Variants in IQCE observed in about 807,000 individuals in gnomAD.
IQCE encodes the protein IQ motif containing E, also known as IQ domain-containing protein E.
In IQCE, 115 loss-of-function variants were observed where a neutral mutation model predicts 96.0. The ratio of observed to expected loss-of-function variants is 1.20; its 90% CI spans 1.03 to 1.40. The LOEUF (loss-of-function observed/expected upper bound fraction) is 1.40, where lower values mean the gene tolerates loss of function less well. Among genes scored for constraint, IQCE ranks in the 40% most tolerant of loss-of-function variants. The pLI is 0.00. For synonymous variants in IQCE, 412 were observed against 371.2 expected (o/e 1.11, Z -1.26); for missense variants, 1,041 against 909.1 (o/e 1.15, Z -1.87).
Position 2,578,984 on chromosome 7 carries a change from G to A in IQCE, c.630+458G>A, listed in dbSNP as rs576610354. On this transcript the variant is annotated intron_variant, in intron 8 of 21. Coordinates refer to ENST00000402050, the MANE Select transcript of IQCE (RefSeq NM_152558.5). ...TGAGGCACAAGAATTGCTTGAACCT[G>A]TATGGCAGAGGTTGCGGTGAGTTGA... 4.6e-5 allele frequency among the ~76,000 whole-genome samples: 7 copies of A among 151,222 alleles called. No individual in the cohort carries two copies. In the South Asian group the frequency reaches 1.3e-3, roughly 27 times the overall value.
At chr7:2,602,366 G>A (rs1583506811) in intron 18 of IQCE, among the ~76,000 whole-genome samples, 1 of 152,228 alleles carries the variant, frequency 6.6e-6, no homozygotes, top group South Asian at 2.1e-4. Context: ...GAGCTAGAAA[G>A]TGAGATCTTT....
rs1179970761 is a variant in IQCE, at chr7:2,590,002, A to C, written c.1140A>C (p.Arg380Ser). The change falls in exon 14 of 22, where the codon AGA becomes AGC. Residue 380 changes from arginine (R) to serine (S), a missense_variant. Transcript: ENST00000402050. ...ACLASSSALHRQPRGDRNKDH... is the reference protein window; with the variant it reads ...ACLASSSALHSQPRGDRNKDH... ...TTGCATCCAGCTCTGCGCTGCACAG[A>C]CAGCCACGAGGGGACCGCAACAAGG... 2.5e-6 allele frequency: 4 copies of C among 1,613,940 alleles called. No homozygotes were observed. The highest frequency in any genetic ancestry group is 3.3e-5 in the Admixed American group (2 of 60,030).
At position 2,586,112 on chromosome 7, in the gene IQCE, C is replaced by G. The variant is rs1026905374; in HGVS notation, c.825-96C>G. ...GCAAAAACCACTCTGAGCTCACAAC[C>G]AACAGAGCAAGCTGTGATTCACCTG... On this transcript the variant is annotated intron_variant, in intron 11 of 21. Transcript: ENST00000402050. 4 of 1,196,098 alleles carry G rather than the reference C, an allele frequency of 3.3e-6. No homozygotes were observed. The African/African-American group carries it at 6.1e-5, about 18-fold the overall frequency. 74.1% of individuals were successfully genotyped at this position (1,196,098 alleles called of 1,614,324 possible).
chr7:2,592,142 C>T (rs542437340), intron 14 of IQCE, among the ~76,000 whole-genome samples: 36 of 152,310 alleles, frequency 2.4e-4, no homozygotes, highest in Admixed American at 1.6e-3. Flanking sequence ...CGGTGCCTCC[C>T]GGCCAGCTAC....
intron 8 of IQCE, 121 bp from the exon 9 acceptor site, chr7:2,582,459 G>T: frequency 1.2e-6 from 1 of 806,842 alleles, no homozygotes; most frequent in South Asian, 1.5e-5. Context: ...GTCTAGAAGA[G>T]AGCACAGCGC....
At position 2,564,523 on chromosome 7, in the gene IQCE, G is replaced by A. The variant is rs188664867; in HGVS notation, c.37-2593G>A. 4.6e-3 allele frequency among the ~76,000 whole-genome samples: 697 copies of A among 152,112 alleles called. 8 individuals carry two copies. The highest frequency in any genetic ancestry group is 0.016 in the African/African-American group (663 of 41,474). ...TGAGGCAGGAGAATCGCTTGTACCCGGGAGGTGGAGGTGGCAGTGAGCCGA... is the reference window on the plus strand; with the variant it reads ...TGAGGCAGGAGAATCGCTTGTACCCAGGAGGTGGAGGTGGCAGTGAGCCGA... On this transcript the variant is annotated intron_variant, in intron 1 of 21. Transcript: ENST00000402050.
At chr7:2,578,918 G>A (rs1235077466) in intron 8 of IQCE, among the ~76,000 whole-genome samples, 2 of 152,064 alleles carry the variant, frequency 1.3e-5, no homozygotes, top group Non-Finnish European at 2.9e-5. Flanking sequence ...AAAAAGCCGG[G>A]TATGGCAGCA....
At position 2,559,090 on chromosome 7, in the gene IQCE, C is replaced by G. The variant is rs368675619; in HGVS notation, c.-92C>G. 1.4e-3 allele frequency: 1,034 copies of G among 765,570 alleles called. 30 individuals are homozygous for G. In the Admixed American group the frequency reaches 0.039, roughly 29 times the overall value. The allele number at this position is 765,570 out of a possible 1,614,324, so 47.4% of individuals were successfully genotyped here. On this transcript the variant is annotated 5_prime_UTR_variant, in exon 1 of 22. Transcript: ENST00000402050. Reference sequence around the variant, plus strand: ...CGCGGGCCGGCGCCAGGGAAGGCCCCGAGGCTGCGGGCGGCCAGGGCTGCC... The same window carrying G: ...CGCGGGCCGGCGCCAGGGAAGGCCCGGAGGCTGCGGGCGGCCAGGGCTGCC...
intron 12 of IQCE, 129 bp from the exon 13 acceptor site, chr7:2,587,693 C>A: frequency 1.2e-6 from 1 of 865,716 alleles, no homozygotes; most frequent in Non-Finnish European, 1.9e-6. Flanking sequence ...CAGGACCTGT[C>A]GGTGTGGCTC....
At chr7:2,583,813 C>T (rs1426463839) in intron 10 of IQCE, 104 bp downstream of exon 10, 2 of 83,866 alleles carry the variant, frequency 2.4e-5, no homozygotes, top group Non-Finnish European at 4.6e-5. Flanking sequence ...GGGCACCGTG[C>T]TGGGCGGCGG....
At chr7:2,567,256 C>T (rs1781449150) in intron 2 of IQCE, 93 bp downstream of exon 2, 1 of 969,970 alleles carries the variant, frequency 1.0e-6, no homozygotes, top group Non-Finnish European at 1.6e-6. Context: ...CCGTTCTCCA[C>T]AATACTGTGT....
chr7:2,600,111 A>G (rs1235488388), intron 17 of IQCE, among the ~76,000 whole-genome samples: 4 of 151,324 alleles, frequency 2.6e-5, no homozygotes, highest in Admixed American at 6.6e-5. Context: ...TTTTCTTTTC[A>G]AAGACATTTT....
intron 1 of IQCE, among the ~76,000 whole-genome samples, chr7:2,566,236 A>G (rs1781361488): frequency 6.6e-6 from 1 of 150,710 alleles, no homozygotes; most frequent in African/African-American, 2.4e-5. Context: ...CTCTTTTTGG[A>G]TTTCAATTTG....
At chr7:2,570,228 G>A (rs1038523224) in intron 3 of IQCE, among the ~76,000 whole-genome samples, 1 of 151,986 alleles carries the variant, frequency 6.6e-6, no homozygotes, top group African/African-American at 2.4e-5. Flanking sequence ...GTCGTTTTCC[G>A]GGCAGTATCA....
At chr7:2,589,877 G>T in intron 13 of IQCE, 30 bp from the exon 14 acceptor site, 2 of 1,599,902 alleles carry the variant, frequency 1.3e-6, no homozygotes, top group Non-Finnish European at 1.7e-6. Context: ...ATGAGAACTA[G>T]TATCTAACAC....
chr7:2,573,779 C>T (rs573711656), intron 6 of IQCE, among the ~76,000 whole-genome samples: 27 of 152,308 alleles, frequency 1.8e-4, no homozygotes, highest in African/African-American at 5.5e-4. Flanking sequence ...AGTCGCCTTG[C>T]GTCCTGAGAT....
intron 6 of IQCE, among the ~76,000 whole-genome samples, chr7:2,575,634 G>A (rs550819442): frequency 8.9e-4 from 135 of 152,318 alleles, no homozygotes; most frequent in African/African-American, 2.6e-3. Flanking sequence ...GGTGTTTTCC[G>A]TGGTCTGCCT....
At position 2,607,862 on chromosome 7, in the gene IQCE, G is replaced by C. The variant is rs7790377; in HGVS notation, c.1969+635G>C. Among the ~76,000 whole-genome samples, 1,321 of 152,332 alleles carry C rather than the reference G, an allele frequency of 8.7e-3. 19 individuals are homozygous for C. Among genetic ancestry groups the C allele is most frequent in the African/African-American group, 0.03 (1,228 of 41,572 alleles). ...CTGTAAAGGGAAGATGAGTGCGGAG[G>C]CACGCTGTTGAGACTCGGGACTGTC... On this transcript the variant is annotated intron_variant, in intron 21 of 21. Transcript: ENST00000402050.
intron 4 of IQCE, 44 bp downstream of exon 4, chr7:2,571,698 A>G (rs1478442048): frequency 6.4e-7 from 1 of 1,567,570 alleles, no homozygotes; most frequent in Non-Finnish European, 8.6e-7. Context: ...TTGAGAGAAG[A>G]GTTCGAGAAA....
Sources: allele counts gnomAD v4.1 joint callset (sites outside exome capture counted in the v4.1 genomes callset), GRCh38; gene constraint gnomAD v4.1.1; transcripts MANE v1.5; gene names NCBI Gene and HGNC (gene_info 2026-07-23, HGNC 2026-07-21).